The following NRG3 variants were observed in gnomAD, a reference collection of about 807,000 sequenced individuals.
NRG3 encodes the protein pro-neuregulin-3, membrane-bound isoform.
NRG3 carries 31 observed loss-of-function variants against 66.9 expected under a neutral mutation model. The observed-to-expected ratio is 0.46, with a 90% CI of 0.35 to 0.63. The LOEUF (loss-of-function observed/expected upper bound fraction) is 0.63, where lower values mean the gene tolerates loss of function less well. Among genes scored for constraint, NRG3 ranks in the 20% least tolerant of loss-of-function variants. The probability of loss-of-function intolerance (pLI) is 0.00; values close to 1 mark genes in which losing one functional copy is unlikely to be tolerated. For missense variants in NRG3, 910 were observed against 878.9 expected, an observed-to-expected ratio of 1.04 and a Z score of -0.45; for synonymous variants, 393 against 359.4, an observed-to-expected ratio of 1.09 and a Z score of -1.06.
At chr10:82,893,388 A>T (rs577429492) in intron 4 of NRG3, among the ~76,000 whole-genome samples, 103 of 152,204 alleles carry the variant, frequency 6.8e-4, no homozygotes, top group Non-Finnish European at 1.3e-3. Context: ...ATTAGGATAT[A>T]TTTAGAATTA....
At position 82,609,500 on chromosome 10, in the gene NRG3, C is replaced by T. The variant is rs541933077; in HGVS notation, c.954-129077C>T. Among the ~76,000 whole-genome samples the T allele has an allele frequency of 4.6e-4, 70 of 150,804 alleles. 1 individual carries two copies. The South Asian group carries it at 0.011, about 24-fold the overall frequency. On this transcript the variant is annotated intron_variant, in intron 2 of 8. Transcript: ENST00000372141. The stretch of plus-strand genomic sequence containing the variant: ...ATTGCTGAAGTGTCATTTTCTGTAT[C>T]AGAGTAATGGTGCTAATCAATTGAG...
At chr10:82,922,801 C>T (rs767252276) in intron 4 of NRG3, among the ~76,000 whole-genome samples, 25 of 152,184 alleles carry the variant, frequency 1.6e-4, no homozygotes, top group Admixed American at 3.3e-4. Flanking sequence ...CTCAACATAG[C>T]CAAGTTGAAA....
chr10:82,924,099 A>T, intron 4 of NRG3, among the ~76,000 whole-genome samples: 1 of 151,600 alleles, frequency 6.6e-6, no homozygotes, highest in East Asian at 2.0e-4. Flanking sequence ...AAAAAAAAAA[A>T]AAAAAAAAAA....
At chr10:82,849,591 A>G (rs574127271) in intron 3 of NRG3, among the ~76,000 whole-genome samples, 1 of 152,310 alleles carries the variant, frequency 6.6e-6, no homozygotes, top group East Asian at 1.9e-4. Context: ...GCTGCTTTAT[A>G]TGATGTGACC....
At chr10:82,669,536 A>G (rs1379237425) in intron 2 of NRG3, among the ~76,000 whole-genome samples, 1 of 152,098 alleles carries the variant, frequency 6.6e-6, no homozygotes, top group East Asian at 1.9e-4. Flanking sequence ...ATTTTGTGTG[A>G]CTGCTGGAAG....
intron 2 of NRG3, among the ~76,000 whole-genome samples, chr10:82,540,448 G>A (rs1243888803): frequency 6.6e-6 from 1 of 152,014 alleles, no homozygotes; most frequent in East Asian, 1.9e-4. Flanking sequence ...ATTAGGTAGT[G>A]AGTGTGTATG....
chr10:82,748,070 T>A (rs1206917269), intron 3 of NRG3, among the ~76,000 whole-genome samples: 1 of 151,194 alleles, frequency 6.6e-6, no homozygotes, highest in African/African-American at 2.4e-5. Flanking sequence ...AATATATAAT[T>A]ACACATATTT....
intron 1 of NRG3, among the ~76,000 whole-genome samples, chr10:82,132,373 C>T (rs1384068871): frequency 1.4e-5 from 2 of 147,504 alleles, no homozygotes; most frequent in Non-Finnish European, 3.0e-5. Flanking sequence ...TCTTTGCATC[C>T]CTGGAATAAA....
chr10:81,907,147 C>G (rs1161238230), intron 1 of NRG3, among the ~76,000 whole-genome samples: 1 of 152,106 alleles, frequency 6.6e-6, no homozygotes, highest in Non-Finnish European at 1.5e-5. Flanking sequence ...CTGTGTCACA[C>G]CTGATCTGTT....
intron 1 of NRG3, among the ~76,000 whole-genome samples, chr10:82,122,254 C>A (rs74435046): frequency 3.3e-5 from 5 of 152,098 alleles, no homozygotes; most frequent in Non-Finnish European, 5.9e-5. Flanking sequence ...AAACTTTTTG[C>A]ATGGGTAGGG....
intron 2 of NRG3, among the ~76,000 whole-genome samples, chr10:82,602,820 A>G (rs1225959451): frequency 6.6e-6 from 1 of 152,188 alleles, no homozygotes. Flanking sequence ...GCATCTTGTC[A>G]GCCAACACAC....
chr10:82,008,787 A>G (rs1483506426), intron 1 of NRG3, among the ~76,000 whole-genome samples: 1 of 152,166 alleles, frequency 6.6e-6, no homozygotes, highest in African/African-American at 2.4e-5. Flanking sequence ...TATTGGACCC[A>G]CTAACATCAC....
In NRG3 at chr10:82,274,917, A is replaced by G. The variant is rs1218016566; in HGVS notation, c.824-83822A>G. ...CAACTAGAAAGGGTGGGAGCTGCCC[A>G]ATTCCAAACTTCATGCCTTCCACTT... On this transcript the variant is annotated intron_variant, in intron 1 of 8. Transcript: ENST00000372141. Among the ~76,000 whole-genome samples the G allele has an allele frequency of 2.0e-5, 3 of 152,018 alleles. No homozygotes were observed. In the East Asian group the frequency reaches 5.8e-4, roughly 30 times the overall value.
chr10:82,715,745 T>C (rs1299078600), intron 2 of NRG3, among the ~76,000 whole-genome samples: 7 of 152,224 alleles, frequency 4.6e-5, no homozygotes, highest in African/African-American at 1.7e-4. Context: ...GAACATACTT[T>C]GTTAGTTCAA....
chr10:82,289,361 C>A (rs563384727), intron 1 of NRG3, among the ~76,000 whole-genome samples: 1 of 151,856 alleles, frequency 6.6e-6, no homozygotes, highest in Non-Finnish European at 1.5e-5. Flanking sequence ...AAAGGGCCAA[C>A]GACTTACTAG....
intron 1 of NRG3, among the ~76,000 whole-genome samples, chr10:82,250,640 C>T (rs1472777761): frequency 3.3e-5 from 5 of 152,152 alleles, no homozygotes; most frequent in Admixed American, 2.0e-4. Flanking sequence ...GGTCTTGACC[C>T]CTGCTTCCAG....
At chr10:82,590,557 C>T (rs902134483) in intron 2 of NRG3, among the ~76,000 whole-genome samples, 1 of 152,130 alleles carries the variant, frequency 6.6e-6, no homozygotes, top group Non-Finnish European at 1.5e-5. Flanking sequence ...AGAACTGAAT[C>T]TCAGTCCCCC....
chr10:82,953,574 T>C (rs1265382269), intron 5 of NRG3, among the ~76,000 whole-genome samples: 1 of 152,042 alleles, frequency 6.6e-6, no homozygotes. Flanking sequence ...ATTTACTTGT[T>C]ATATTTGATT....
intron 8 of NRG3, among the ~76,000 whole-genome samples, chr10:82,981,054 C>CT (rs1376002741): frequency 6.6e-6 from 1 of 151,934 alleles, no homozygotes; most frequent in Non-Finnish European, 1.5e-5. Flanking sequence ...TCATGCTGGC[C>CT]TTTTTTTTCT....
Sources: gnomAD v4.1 joint callset for allele counts (sites outside exome capture counted in the v4.1 genomes callset) on GRCh38, gnomAD v4.1.1 for gene constraint, MANE v1.5 for transcripts, NCBI Gene and HGNC (gene_info 2026-07-23, HGNC 2026-07-21) for gene names.